Variants in RTN4 observed in about 807,000 individuals in gnomAD.
RTN4 encodes reticulon-4.
In RTN4, 32 loss-of-function variants were observed where a neutral mutation model predicts 90.4. That is an observed-to-expected ratio of 0.35 (90% confidence interval 0.27 to 0.48). RTN4 has a LOEUF of 0.48. Among genes scored for constraint, RTN4 ranks in the 20% least tolerant of loss-of-function variants. The pLI is 0.99. For missense variants in RTN4, 1,706 were observed against 1,430.2 expected, an observed-to-expected ratio of 1.19 and a Z score of -3.11; for synonymous variants, 629 against 552.5, an observed-to-expected ratio of 1.14 and a Z score of -1.94.
chr2:55,078,961 A>T (rs1178548532), intron 2 of RTN4, among the ~76,000 whole-genome samples: 1 of 152,234 alleles, frequency 6.6e-6, no homozygotes, highest in Non-Finnish European at 1.5e-5. Flanking sequence ...GGAAATGGAA[A>T]ATAGAGTAAG....
At chr2:55,091,483 A>C (rs896499289) in intron 1 of RTN4, among the ~76,000 whole-genome samples, 40 of 152,018 alleles carry the variant, frequency 2.6e-4, no homozygotes, top group African/African-American at 9.2e-4. Flanking sequence ...TTTTCCTGTA[A>C]CACTTACTTG....
rs1681755202 is a variant in RTN4 at position 55,025,375 on chromosome 2, C to T, written c.2724G>A (p.Gly908=). The T allele has an allele frequency of 1.2e-6, 2 of 1,613,948 alleles. No individual in the cohort carries two copies. The highest frequency in any genetic ancestry group is 1.7e-6 in the Non-Finnish European group (2 of 1,179,896). ...SEIANAPDGA[G]SLPCTELPHD... ...GGGGCAATTCTGTGCAAGGCAATGA[C>T]CCAGCTCCATCCGGGGCATTAGCAA... Residue 908 remains glycine (G), a synonymous_variant, in exon 3 of 9, where the codon GGG becomes GGA. Coordinates refer to ENST00000337526, the MANE Select transcript of RTN4 (RefSeq NM_020532.5).
intron 3 of RTN4, among the ~76,000 whole-genome samples, chr2:55,024,015 T>C (rs1681636627): frequency 1.3e-5 from 2 of 152,186 alleles, no homozygotes; most frequent in Admixed American, 1.3e-4. Flanking sequence ...GAGCTTCATG[T>C]GTATAATATC....
chr2:55,002,795 G>C (rs903270829), intron 3 of RTN4, among the ~76,000 whole-genome samples: 2 of 152,052 alleles, frequency 1.3e-5, no homozygotes, highest in African/African-American at 4.8e-5. Context: ...TTTTTCAATT[G>C]TAAAGAATGT....
rs1332616186 is a variant in RTN4, at chr2:55,050,106, C to G, written c.195G>C (p.Ala65=). The change falls in exon 1 of 9, where the codon GCG becomes GCC. Residue 65 remains alanine, a synonymous_variant. Transcript: ENST00000337526. The surrounding 1 kb of genome is among the most constrained non-coding windows in gnomAD (Gnocchi z 4.6). Reference sequence around the variant, plus strand: ...CGGCAGGGGCGGTGGGCACTGGGGCCGCGGACAGCCCGGCGGCGGGCTTCC... The same window carrying G: ...CGGCAGGGGCGGTGGGCACTGGGGCGGCGGACAGCCCGGCGGCGGGCTTCC... The part of the protein sequence containing the change: ...LERKPAAGLS[A]APVPTAPAAG... 2 of 1,495,158 alleles carry G rather than the reference C, an allele frequency of 1.3e-6. No homozygotes were observed. Among genetic ancestry groups the G allele is most frequent in the Non-Finnish European group, 1.8e-6 (2 of 1,127,052 alleles). The allele number at this position is 1,495,158 out of a possible 1,614,324, so 92.6% of individuals were successfully genotyped here.
chr2:55,110,793 C>A (rs1274994617), intron 1 of RTN4, among the ~76,000 whole-genome samples: 1 of 152,230 alleles, frequency 6.6e-6, no homozygotes, highest in Non-Finnish European at 1.5e-5. Context: ...ATAATCCCAG[C>A]ACTTTGGGAG....
At chr2:55,063,607 G>A (rs576525595) in intron 2 of RTN4, among the ~76,000 whole-genome samples, 4 of 152,172 alleles carry the variant, frequency 2.6e-5, no homozygotes, top group South Asian at 2.1e-4. Context: ...TGGGCCCGAC[G>A]CAGTGGCTCA....
chr2:55,025,160 T>A lies in RTN4; in HGVS notation c.2939A>T (p.Lys980Ile). The change falls in exon 3 of 9, where the codon AAA (lysine) becomes ATA (isoleucine). Residue 980 changes from lysine to isoleucine, a missense_variant. By Grantham distance (102) the Lys-to-Ile change is moderately radical (BLOSUM62 -3). Coordinates refer to ENST00000337526, the MANE Select transcript of RTN4 (RefSeq NM_020532.5). ...PKVLVKEAEK[K>I]LPSDTEKEDR... Reference sequence around the variant, plus strand: ...CTCTTTTTCTGTATCGGAAGGAAGTTTTTTCTCAGCTTCTTTCACAAGAAC... The same window carrying A: ...CTCTTTTTCTGTATCGGAAGGAAGTATTTTCTCAGCTTCTTTCACAAGAAC... 3 of 1,613,696 alleles carry A rather than the reference T, an allele frequency of 1.9e-6. No homozygotes were observed. The highest frequency in any genetic ancestry group is 1.7e-6 in the Non-Finnish European group (2 of 1,179,766).
At chr2:55,059,069 G>C (rs912071012) in intron 2 of RTN4, among the ~76,000 whole-genome samples, 1 of 151,970 alleles carries the variant, frequency 6.6e-6, no homozygotes, top group Non-Finnish European at 1.5e-5. Flanking sequence ...GAAAACTTGG[G>C]TTCTAATTCC....
Position 55,050,265 on chromosome 2 carries a change from G to T in RTN4, c.36C>A (p.Ser12=). The T allele has an allele frequency of 6.6e-7, 1 of 1,524,836 alleles. No individual in the cohort carries two copies. 94.5% of individuals were successfully genotyped at this position (1,524,836 alleles called of 1,614,324 possible). A position where few individuals can be genotyped will look rare whatever the true frequency, so the allele number is the denominator to read the frequency against. The part of the protein sequence containing the change: ...EDLDQSPLVS[S]SDSPPRPQPA... ...GCTGCGGCCGGGGTGGGCTGTCCGA[G>T]GACGAGACCAGAGGAGACTGGTCCA... Residue 12 remains serine, a synonymous_variant, in exon 1 of 9, where the codon TCC becomes TCA. Transcript: ENST00000337526. This position sits in a 1 kb window ranked among gnomAD's most constrained non-coding sequence, Gnocchi z 4.6.
intron 2 of RTN4, among the ~76,000 whole-genome samples, chr2:55,073,281 C>G (rs1390252015): frequency 6.6e-6 from 1 of 152,122 alleles, no homozygotes; most frequent in Non-Finnish European, 1.5e-5. Flanking sequence ...CCGTAAATAC[C>G]AAACAACCAA....
At chr2:55,131,859 G>A in the RTN4 span, among the ~76,000 whole-genome samples, 6 of 152,076 alleles carry the variant, frequency 3.9e-5, no homozygotes, top group Non-Finnish European at 8.8e-5. Flanking sequence ...ACTCCAGCCT[G>A]GGCAACAGAG....
chr2:55,010,555 T>A (rs1680560736), intron 3 of RTN4: 1 of 159,210 alleles, frequency 6.3e-6, no homozygotes, highest in Non-Finnish European at 1.4e-5. Context: ...ATGGTCGAAT[T>A]ATGCTACTGG....
Position 55,049,753 on chromosome 2 carries a change from C to A in RTN4, c.548G>T (p.Gly183Val). ...GAGGTCGCGGCACTCACCCACTGAG[C>A]CCGAGGAGCCCCTGCGCTTGGGCGC... The part of the protein sequence containing the change: ...PAAPKRRGSS[G>V]SVDETLFALP... Residue 183 changes from glycine to valine, a missense_variant, in exon 1 of 9, where the codon GGC (glycine) becomes GTC (valine). Coordinates refer to ENST00000337526, the MANE Select transcript of RTN4 (RefSeq NM_020532.5). 1 of 1,347,362 alleles carries A rather than the reference C, an allele frequency of 7.4e-7. No homozygotes were observed. The highest frequency in any genetic ancestry group is 9.5e-7 in the Non-Finnish European group (1 of 1,049,176). 83.5% of individuals were successfully genotyped at this position (1,347,362 alleles called of 1,614,324 possible).
intron 3 of RTN4, chr2:55,010,038 T>C: frequency 6.3e-7 from 1 of 1,577,578 alleles, no homozygotes; most frequent in Non-Finnish European, 8.7e-7. Context: ...TAGAAATATA[T>C]TAGTGGTCAC....
chr2:54,977,711 T>G (rs1677752577), intron 5 of RTN4, among the ~76,000 whole-genome samples: 2 of 152,156 alleles, frequency 1.3e-5, no homozygotes, highest in Admixed American at 1.3e-4. Context: ...ATGCCACAAC[T>G]TTTTAAAACA....
intron 1 of RTN4, among the ~76,000 whole-genome samples, chr2:55,029,908 A>C (rs1682178203): frequency 6.6e-6 from 1 of 152,192 alleles, no homozygotes; most frequent in East Asian, 1.9e-4. Flanking sequence ...ACAGTTTCTC[A>C]TTTGTAAAAT....
intron 2 of RTN4, among the ~76,000 whole-genome samples, chr2:55,080,134 A>T (rs1668682083): frequency 6.6e-6 from 1 of 152,094 alleles, no homozygotes; most frequent in Non-Finnish European, 1.5e-5. Context: ...CTCCCACCTC[A>T]GCTTCCCTAG....
intron 1 of RTN4, among the ~76,000 whole-genome samples, chr2:55,036,599 C>CAAAAAAAAAAAAAAAAAAAAAAAA (rs71410411): frequency 1.4e-5 from 1 of 72,988 alleles, no homozygotes; most frequent in Non-Finnish European, 2.6e-5. Flanking sequence ...AAGACTGTCT[C>CAAAAAAAAAAAAAAAAAAAAAAAA]AAAAAAAAAA....
Sources: gnomAD v4.1 joint callset for allele counts (sites outside exome capture counted in the v4.1 genomes callset) on GRCh38, gnomAD v4.1.1 for gene constraint, Gnocchi (gnomAD v3.1) non-coding constraint, MANE v1.5 for transcripts, NCBI Gene and HGNC (gene_info 2026-07-23, HGNC 2026-07-21) for gene names.